The following SORCS1 variants were observed in gnomAD, a reference collection of about 807,000 sequenced individuals.
The protein encoded by SORCS1 is VPS10 domain-containing receptor SorCS1.
Under a neutral mutation model 146.1 loss-of-function variants are expected in SORCS1, and 60 were observed. The observed-to-expected ratio is 0.41, with a 90% CI of 0.33 to 0.51. SORCS1 has a LOEUF of 0.51. Among genes scored for constraint, SORCS1 ranks in the 20% least tolerant of loss-of-function variants. SORCS1 has a pLI of 0.21. For synonymous variants in SORCS1, 637 were observed against 584.0 expected (o/e 1.09, Z -1.31); for missense variants, 1,352 against 1,487.6 (o/e 0.91, Z 1.50).
In SORCS1 at chr10:106,812,155, T is replaced by C. The variant is rs192763747; in HGVS notation, c.726+17419A>G. Among the ~76,000 whole-genome samples, 669 of 152,026 alleles carry C rather than the reference T, an allele frequency of 4.4e-3. 6 individuals carry two copies. The highest frequency in any genetic ancestry group is 0.015 in the African/African-American group (619 of 41,476). The stretch of plus-strand genomic sequence containing the variant: ...AGCTGGGACTACAGGCGCCCGCCAC[T>C]GCATCCTGCTAATTTTTTGTATTTT... On this transcript the variant is annotated intron_variant, in intron 3 of 25. Coordinates refer to ENST00000263054, the MANE Select transcript of SORCS1 (RefSeq NM_052918.5).
In SORCS1 at chr10:106,613,727, T is replaced by C. The variant is rs2133437122; in HGVS notation, c.2921-1704A>G. On this transcript the variant is annotated intron_variant, in intron 21 of 25. Transcript: ENST00000263054. Reference sequence around the variant, plus strand: ...CCTGCCAGTGCCTCCACATTGCATTTAGTATAAAATTTAGATTCTTACCAC... The same window carrying C: ...CCTGCCAGTGCCTCCACATTGCATTCAGTATAAAATTTAGATTCTTACCAC... Among the ~76,000 whole-genome samples, 2 of 152,276 alleles carry C rather than the reference T, an allele frequency of 1.3e-5. 1 individual carries two copies. Among genetic ancestry groups the C allele is most frequent in the South Asian group, 4.1e-4 (2 of 4,820 alleles).
At chr10:107,043,892 C>A (rs368621538) in intron 1 of SORCS1, among the ~76,000 whole-genome samples, 1 of 152,156 alleles carries the variant, frequency 6.6e-6, no homozygotes, top group Admixed American at 6.5e-5. Flanking sequence ...ATCATCTTTC[C>A]GAAAGTCCTG....
intron 23 of SORCS1, among the ~76,000 whole-genome samples, chr10:106,598,081 A>G (rs549214550): frequency 7.2e-5 from 11 of 152,190 alleles, no homozygotes; most frequent in Admixed American, 5.9e-4. Flanking sequence ...CACGGGGCAA[A>G]TAACTTCATT....
intron 1 of SORCS1, among the ~76,000 whole-genome samples, chr10:107,146,660 C>T (rs879326911): frequency 7.9e-5 from 12 of 152,248 alleles, no homozygotes; most frequent in Admixed American, 7.2e-4. Flanking sequence ...GTCCTAAACG[C>T]AGTAGAATAT....
chr10:106,629,277 C>A lies in SORCS1; in HGVS notation c.2587G>T (p.Gly863Cys). 1 of 1,614,122 alleles carries A rather than the reference C, an allele frequency of 6.2e-7. No homozygotes were observed. Among genetic ancestry groups the A allele is most frequent in the Non-Finnish European group, 8.5e-7 (1 of 1,180,002 alleles). The change falls in exon 19 of 26, where the codon GGC (glycine) becomes TGC (cysteine). Residue 863 changes from glycine to cysteine, a missense_variant. Around this residue, in one of 3 missense-constraint regions of SORCS1, gnomAD observed 648 missense variants for 793.8 expected, o/e 0.82. Transcript: ENST00000263054. ...DGIKHVYQNV[G>C]IFRVTVQVDN... Reference sequence around the variant, plus strand: ...ACCTGCACGGTCACACGGAAAATGCCCACGTTCTGATAGACGTGTTTGATC... The same window carrying A: ...ACCTGCACGGTCACACGGAAAATGCACACGTTCTGATAGACGTGTTTGATC...
chr10:106,666,474 C>T (rs1851150662), intron 17 of SORCS1, among the ~76,000 whole-genome samples: 1 of 152,116 alleles, frequency 6.6e-6, no homozygotes, highest in Non-Finnish European at 1.5e-5. Context: ...GGGTCTCCAG[C>T]TTGCTGACTT....
chr10:107,070,500 G>C (rs1962322708), intron 1 of SORCS1, among the ~76,000 whole-genome samples: 1 of 152,174 alleles, frequency 6.6e-6, no homozygotes, highest in Admixed American at 6.5e-5. Context: ...TAAAAGCTAA[G>C]TGTCACGCAC....
chr10:106,954,954 C>T (rs1954863438), intron 2 of SORCS1, among the ~76,000 whole-genome samples: 1 of 152,238 alleles, frequency 6.6e-6, no homozygotes, highest in Non-Finnish European at 1.5e-5. Flanking sequence ...GAGAAAGGAG[C>T]TGTAATACTG....
chr10:107,093,941 A>C (rs1011534670), intron 1 of SORCS1, among the ~76,000 whole-genome samples: 1 of 152,026 alleles, frequency 6.6e-6, no homozygotes, highest in South Asian at 2.1e-4. Flanking sequence ...CACCATTCCT[A>C]TGCCTGGACC....
At chr10:106,641,379 T>A (rs113635254) in intron 18 of SORCS1, among the ~76,000 whole-genome samples, 3 of 152,288 alleles carry the variant, frequency 2.0e-5, no homozygotes, top group African/African-American at 7.2e-5. Context: ...CAAACTAGTA[T>A]CAGTGTACCT....
chr10:106,612,963 TCCCTGGCTCACTACCCTC>T (rs1182668334), intron 21 of SORCS1, among the ~76,000 whole-genome samples: 1 of 152,058 alleles, frequency 6.6e-6, no homozygotes, highest in Admixed American at 6.6e-5. Flanking sequence ...GTTGAAGCAC[TCCCTGGCTCACTACCCTC>T]CCCCGGCTCA....
chr10:106,984,345 CTT>C (rs1392974133), intron 1 of SORCS1, among the ~76,000 whole-genome samples: 1 of 151,560 alleles, frequency 6.6e-6, no homozygotes, highest in Non-Finnish European at 1.5e-5. Flanking sequence ...CTTTGCAAGA[CTT>C]TAGACAGAGC....
intron 1 of SORCS1, among the ~76,000 whole-genome samples, chr10:107,037,490 G>A (rs995403724): frequency 6.6e-6 from 1 of 152,146 alleles, no homozygotes; most frequent in Non-Finnish European, 1.5e-5. Context: ...TCTGGCTCCC[G>A]GACTCAAAGA....
intron 10 of SORCS1, among the ~76,000 whole-genome samples, chr10:106,681,042 C>A (rs564115080): frequency 6.6e-6 from 1 of 152,244 alleles, no homozygotes; most frequent in East Asian, 1.9e-4. Flanking sequence ...ATAAAAATTT[C>A]ATGTAAAGCT....
chr10:107,171,908 A>G, the SORCS1 span, among the ~76,000 whole-genome samples: 1 of 152,164 alleles, frequency 6.6e-6, no homozygotes, highest in Non-Finnish European at 1.5e-5. Flanking sequence ...ATGTAGATCC[A>G]TGATTGTTGA....
intron 1 of SORCS1, among the ~76,000 whole-genome samples, chr10:107,101,030 G>A (rs895344070): frequency 4.6e-5 from 7 of 152,054 alleles, no homozygotes; most frequent in Non-Finnish European, 7.4e-5. Flanking sequence ...GAGTAGCTAG[G>A]AGTATAGGCA....
intron 6 of SORCS1, among the ~76,000 whole-genome samples, chr10:106,715,398 T>A (rs1343161547): frequency 1.3e-5 from 2 of 152,296 alleles, no homozygotes; most frequent in African/African-American, 4.8e-5. Flanking sequence ...GCAATCCCCA[T>A]CCACCCAAAA....
chr10:106,927,876 T>C (rs1483994078), intron 2 of SORCS1, among the ~76,000 whole-genome samples: 1 of 149,786 alleles, frequency 6.7e-6, no homozygotes, highest in Non-Finnish European at 1.5e-5. Context: ...GAGCTAGACA[T>C]AAAGGTTCTC....
rs185010017 is a variant in SORCS1, at chr10:106,894,379, A to C, written c.626+62134T>G. On this transcript the variant is annotated intron_variant, in intron 2 of 25. Coordinates refer to ENST00000263054, the MANE Select transcript of SORCS1 (RefSeq NM_052918.5). ...TGCTGTTACATGTTCTGGGTAGAAA[A>C]CTTTTTTTTCTTTTTTTAAAGACAT... Among the ~76,000 whole-genome samples the C allele has an allele frequency of 5.2e-3, 790 of 151,516 alleles. 5 individuals are homozygous for C. Among genetic ancestry groups the C allele is most frequent in the Non-Finnish European group, 8.6e-3 (584 of 67,878 alleles).
Sources: gnomAD v4.1 joint callset for allele counts (sites outside exome capture counted in the v4.1 genomes callset) on GRCh38, gnomAD v4.1.1 for gene constraint, gnomAD v4.1.1 regional missense constraint, MANE v1.5 for transcripts, NCBI Gene and HGNC (gene_info 2026-07-23, HGNC 2026-07-21) for gene names.